FGD5: variants seen among roughly 807,000 people sequenced by gnomAD.
FGD5 encodes the protein FYVE, RhoGEF and PH domain containing 5.
A neutral mutation model predicts 133.4 loss-of-function variants in FGD5; 28 were observed. The observed-to-expected ratio is 0.21, with a 90% CI of 0.16 to 0.29. FGD5 has a LOEUF of 0.29. Among genes scored for constraint, FGD5 ranks in the 10% least tolerant of loss-of-function variants. The pLI is 1.00. For synonymous variants in FGD5, 810 were observed against 776.5 expected (o/e 1.04, Z -0.72); for missense variants, 1,858 against 1,895.2 (o/e 0.98, Z 0.36).
intron 2 of FGD5, among the ~76,000 whole-genome samples, chr3:14,866,900 GCATC>G (rs75220722): frequency 0.093 from 14,069 of 151,998 alleles, 811 homozygotes; most frequent in East Asian, 0.3. Flanking sequence ...AGAGGCAGGA[GCATC>G]CATCCGGTCA....
At chr3:14,810,741 A>AG, upstream of FGD5, 1 of 911,346 alleles carries the variant, frequency 1.1e-6, no homozygotes, top group Non-Finnish European at 1.3e-6. Flanking sequence ...GGCGGGCGCC[A>AG]GGGGGTGCGG....
intron 1 of FGD5, among the ~76,000 whole-genome samples, chr3:14,847,524 A>T (rs1170101824): frequency 6.6e-6 from 1 of 152,204 alleles, no homozygotes; most frequent in Non-Finnish European, 1.5e-5. Flanking sequence ...TTCAGTAAAC[A>T]TTAAAAACAG....
intron 19 of FGD5, 52 bp from the exon 20 acceptor site, chr3:14,933,079 G>GAGTCAT (rs1363646654): frequency 1.3e-6 from 2 of 1,597,778 alleles, no homozygotes; most frequent in Non-Finnish European, 1.7e-6. Context: ...TCTGTGACCA[G>GAGTCAT]AGTCATAGGC....
intron 18 of FGD5, among the ~76,000 whole-genome samples, chr3:14,930,538 A>G (rs754356440): frequency 2.0e-5 from 3 of 151,800 alleles, no homozygotes; most frequent in East Asian, 1.9e-4. Context: ...CAGAGGTTGC[A>G]GTGAGCCGAG....
intron 18 of FGD5, among the ~76,000 whole-genome samples, chr3:14,929,086 CTCT>C (rs1187840089): frequency 6.6e-6 from 1 of 152,172 alleles, no homozygotes; most frequent in Non-Finnish European, 1.5e-5. Flanking sequence ...TTAGTTTTGC[CTCT>C]TGATCCTCAA....
At chr3:14,839,776 C>T (rs1034831761) in intron 1 of FGD5, among the ~76,000 whole-genome samples, 1 of 151,912 alleles carries the variant, frequency 6.6e-6, no homozygotes, top group Non-Finnish European at 1.5e-5. Flanking sequence ...ACTAAAAATA[C>T]AAAAAAATTA....
chr3:14,836,740 T>A (rs1461308497), intron 1 of FGD5, among the ~76,000 whole-genome samples: 1 of 151,944 alleles, frequency 6.6e-6, no homozygotes, highest in Non-Finnish European at 1.5e-5. Flanking sequence ...AGGAGAGAGA[T>A]GGGAGAGGCA....
chr3:14,845,437 C>T (rs1227170283), intron 1 of FGD5, among the ~76,000 whole-genome samples: 1 of 152,244 alleles, frequency 6.6e-6, no homozygotes, highest in Non-Finnish European at 1.5e-5. Context: ...GCTTGAATAC[C>T]TCCTGGGGCA....
At position 14,898,061 on chromosome 3, in the gene FGD5, C is replaced by T. The variant is rs775016812; in HGVS notation, c.3032C>T (p.Ser1011Phe). The T allele has an allele frequency of 1.2e-6, 2 of 1,614,052 alleles. No individual in the cohort carries two copies. The highest frequency in any genetic ancestry group is 1.7e-6 in the Non-Finnish European group (2 of 1,179,898). Residue 1011 changes from serine to phenylalanine, a missense_variant, in exon 6 of 20, where the codon TCT becomes TTT. Coordinates refer to ENST00000285046, the MANE Select transcript of FGD5 (RefSeq NM_152536.4). ...LGLLSENCLH[S>F]PRLAAAVREF... ...CTGCTCAGTGAGAATTGCCTCCACTCTCCCCGGCTGGCAGCTGCTGTCCGT... is the reference window on the plus strand; with the variant it reads ...CTGCTCAGTGAGAATTGCCTCCACTTTCCCCGGCTGGCAGCTGCTGTCCGT...
At position 14,924,034 on chromosome 3, in the gene FGD5, C is replaced by G; in HGVS notation, c.3964C>G (p.Leu1322Val). Residue 1322 changes from leucine to valine, a missense_variant, in exon 17 of 20, where the codon CTG (leucine) becomes GTG (valine). Leu to Val is a conservative substitution (Grantham distance 32, BLOSUM62 1). This residue lies in a region of FGD5 where 1,824 missense variants were observed against 1,848.9 expected (regional missense o/e 0.99). Transcript: ENST00000285046. ...GCGGCCTGTGAGCATGAGCTTCCCG[C>G]TGTCTTCACCCCGCTTCTCGGGCAG... ...RERPVSMSFPLSSPRFSGSAF... is the reference protein window; with the variant it reads ...RERPVSMSFPVSSPRFSGSAF... 1 of 1,614,034 alleles carries G rather than the reference C, an allele frequency of 6.2e-7. No individual in the cohort carries two copies. The highest frequency in any genetic ancestry group is 8.5e-7 in the Non-Finnish European group (1 of 1,179,896).
At chr3:14,857,847 G>A (rs1028418846) in intron 1 of FGD5, among the ~76,000 whole-genome samples, 2 of 151,986 alleles carry the variant, frequency 1.3e-5, no homozygotes, top group Admixed American at 6.6e-5. Context: ...TGCCACTTCT[G>A]AGTGCCTTTG....
chr3:14,840,549 A>T (rs1056521043), intron 1 of FGD5, among the ~76,000 whole-genome samples: 2 of 151,800 alleles, frequency 1.3e-5, no homozygotes, highest in African/African-American at 4.8e-5. Flanking sequence ...GTTACTTTAC[A>T]GATTGTTCCC....
intron 9 of FGD5, among the ~76,000 whole-genome samples, chr3:14,906,165 C>T (rs1239979526): frequency 6.6e-6 from 1 of 152,192 alleles, no homozygotes; most frequent in African/African-American, 2.4e-5. Context: ...GGCCCTCTCC[C>T]CATGTTCTTG....
At position 14,918,842 on chromosome 3, in the gene FGD5, A is replaced by G. The variant is rs752874281; in HGVS notation, c.3569+9A>G. 5 of 1,613,818 alleles carry G rather than the reference A, an allele frequency of 3.1e-6. No individual in the cohort carries two copies. The highest frequency in any genetic ancestry group is 8.5e-7 in the Non-Finnish European group (1 of 1,179,832). On this transcript the variant is annotated intron_variant, in intron 13 of 19. Transcript: ENST00000285046. ...CTGATGCTGTCTGCGAGGTACGGGC[A>G]GGTGGAGGGAGGATGGCGCACAAGG... is the stretch of plus-strand genomic sequence containing the variant.
Position 14,898,743 on chromosome 3 carries a change from G to A in FGD5, c.3071G>A (p.Ser1024Asn). Reference protein sequence around the residue: ...LAAAVREFEQSVQGGSQTAKH... With the variant: ...LAAAVREFEQNVQGGSQTAKH... ...CCTTCCCTGTCTTGAGAGCAGCAGA[G>A]TGTACAAGGAGGCAGCCAGACTGCG... The change falls in exon 7 of 20, where the codon AGT becomes AAT. Residue 1024 changes from serine to asparagine, a missense_variant. By Grantham distance (46) the Ser-to-Asn change is conservative (BLOSUM62 1). This residue lies in a region of FGD5 where 1,824 missense variants were observed against 1,848.9 expected (regional missense o/e 0.99). Transcript: ENST00000285046. The A allele has an allele frequency of 6.3e-7, 1 of 1,581,398 alleles. No homozygotes were observed. The highest frequency in any genetic ancestry group is 8.6e-7 in the Non-Finnish European group (1 of 1,164,058).
chr3:14,909,193 C>A (rs1263019864), intron 10 of FGD5, among the ~76,000 whole-genome samples: 4 of 152,138 alleles, frequency 2.6e-5, no homozygotes, highest in African/African-American at 9.7e-5. Flanking sequence ...GTCTCAAACT[C>A]CCGACCTCAG....
chr3:14,864,182 G>A lies in FGD5; in HGVS notation c.2580G>A (p.Glu860=), dbSNP rs1387777424. ...CCATCTCGTCGGCAGCCCCCAAAGA[G>A]GACCTTACGTCGGATGAAGAGCAGA... ...VCPISSAAPK[E]DLTSDEEQRS... The change falls in exon 2 of 20, where the codon GAG becomes GAA. Residue 860 remains glutamate, a synonymous_variant. Transcript: ENST00000285046. The A allele has an allele frequency of 6.2e-7, 1 of 1,614,018 alleles. No individual in the cohort carries two copies. The highest frequency in any genetic ancestry group is 1.1e-5 in the South Asian group (1 of 91,084).
chr3:14,842,415 T>C (rs1377719315), intron 1 of FGD5, among the ~76,000 whole-genome samples: 1 of 152,188 alleles, frequency 6.6e-6, no homozygotes, highest in Non-Finnish European at 1.5e-5. Context: ...GCACACTCCC[T>C]TTCCTCAATG....
In FGD5 at chr3:14,849,058, T is replaced by A. The variant is rs151083915; in HGVS notation, c.2526-15070T>A. Among the ~76,000 whole-genome samples, 225 of 152,304 alleles carry A rather than the reference T, an allele frequency of 1.5e-3. 1 individual carries two copies. The highest frequency in any genetic ancestry group is 5.2e-3 in the African/African-American group (215 of 41,552). On this transcript the variant is annotated intron_variant, in intron 1 of 19. Transcript: ENST00000285046. ...GCAGATGGAGTTGGGGAAGACCACA[T>A]GAGTGACATGACAAGAGCATGTGTG...
Sources: allele counts gnomAD v4.1 joint callset (sites outside exome capture counted in the v4.1 genomes callset), GRCh38; gene constraint gnomAD v4.1.1; regional missense constraint gnomAD v4.1.1; transcripts MANE v1.5; gene names NCBI Gene and HGNC (gene_info 2026-07-23, HGNC 2026-07-21).